The following ARHGEF26 variants were observed in gnomAD, a reference collection of about 807,000 sequenced individuals.
ARHGEF26 encodes Rho guanine nucleotide exchange factor 26.
ARHGEF26 carries 59 observed loss-of-function variants against 89.4 expected under a neutral mutation model. The ratio of observed to expected loss-of-function variants is 0.66; its 90% confidence interval spans 0.54 to 0.82. The LOEUF (loss-of-function observed/expected upper bound fraction) is 0.82. ARHGEF26 is among the 40% of genes least tolerant of loss of function. The pLI is 0.00. For synonymous variants in ARHGEF26, 500 were observed against 428.4 expected, an observed-to-expected ratio of 1.17 and a Z score of -2.06; for missense variants, 1,234 against 1,085.6, an observed-to-expected ratio of 1.14 and a Z score of -1.92.
chr3:154,244,199 CTT>C lies in ARHGEF26; in HGVS notation c.2300+3622_2300+3623del, dbSNP rs367975084. Reference sequence around the variant, plus strand: ...AAAATAATGAATTTTACACCTAAATCTTTACTTTCTTTGAAAAACTGTTGTCA... The same window carrying C: ...AAAATAATGAATTTTACACCTAAATCTACTTTCTTTGAAAAACTGTTGTCA... On this transcript the variant is annotated intron_variant, in intron 12 of 14. Coordinates refer to ENST00000465093, the MANE Select transcript of ARHGEF26 (RefSeq NM_015595.4). Among the ~76,000 whole-genome samples the C allele has an allele frequency of 3.4e-3, 514 of 152,206 alleles. 3 individuals carry two copies. Among genetic ancestry groups the C allele is most frequent in the African/African-American group, 0.012 (494 of 41,530 alleles).
intron 5 of ARHGEF26, among the ~76,000 whole-genome samples, chr3:154,152,083 G>C (rs1720059686): frequency 6.6e-6 from 1 of 152,216 alleles, no homozygotes; most frequent in Non-Finnish European, 1.5e-5. Context: ...CTGCCACTGA[G>C]AGTCTCTGCA....
chr3:154,217,929 A>G lies in ARHGEF26; in HGVS notation c.1906A>G (p.Ile636Val), dbSNP rs370975987. The part of the protein sequence containing the change: ...KMERTEMMYT[I>V]NSQLEFKIKP... ...GGAAAGGACTGAGATGATGTACACA[A>G]TTAACTCCCAGCTGGAATTTAAAAT... The change falls in exon 10 of 15, where the codon ATT (isoleucine) becomes GTT (valine). Residue 636 changes from isoleucine to valine, a missense_variant. Transcript: ENST00000465093. 2.9e-5 allele frequency: 47 copies of G among 1,598,508 alleles called. No individual in the cohort carries two copies. The highest frequency in any genetic ancestry group is 3.8e-5 in the Non-Finnish European group (45 of 1,172,132).
At chr3:154,211,135 C>G (rs1294883992) in intron 9 of ARHGEF26, among the ~76,000 whole-genome samples, 1 of 151,990 alleles carries the variant, frequency 6.6e-6, no homozygotes. Flanking sequence ...CTTGCCAGCA[C>G]TCACTTGGCT....
intron 11 of ARHGEF26, among the ~76,000 whole-genome samples, chr3:154,239,297 AGAGTGTGTGTGT>A (rs748192118): frequency 0.031 from 1,613 of 52,790 alleles, 6 homozygotes; most frequent in Non-Finnish European, 0.047. Context: ...AGAGAGAGAG[AGAGTGTGTGTGT>A]GTGTGTGTGT....
At chr3:154,164,120 T>C (rs1371416074) in intron 6 of ARHGEF26, among the ~76,000 whole-genome samples, 2 of 152,120 alleles carry the variant, frequency 1.3e-5, no homozygotes, top group Admixed American at 1.3e-4. Flanking sequence ...TTGCAAGTCT[T>C]TTTTTAGGAC....
intron 9 of ARHGEF26, among the ~76,000 whole-genome samples, chr3:154,206,848 C>G (rs1212742268): frequency 6.6e-6 from 1 of 152,292 alleles, no homozygotes; most frequent in East Asian, 1.9e-4. Context: ...CATCACAGTA[C>G]CTGACTTCAA....
At chr3:154,232,522 G>C (rs1217956643) in intron 11 of ARHGEF26, among the ~76,000 whole-genome samples, 1 of 152,094 alleles carries the variant, frequency 6.6e-6, no homozygotes, top group Admixed American at 6.5e-5. Context: ...TGGGTATTTA[G>C]CTCTAATTAT....
intron 11 of ARHGEF26, among the ~76,000 whole-genome samples, chr3:154,228,445 T>TG (rs1716628576): frequency 6.6e-6 from 1 of 151,352 alleles, no homozygotes; most frequent in African/African-American, 2.4e-5. Flanking sequence ...CCTTTTTTTT[T>TG]TTTTCTTTTT....
Position 154,255,708 on chromosome 3 carries a change from A to G in ARHGEF26, c.*235A>G. The stretch of plus-strand genomic sequence containing the variant: ...CACTTGCAGACCTCCTGAGGTACAC[A>G]GAATAGCTGAGCAGTTCACTTCAGG... On this transcript the variant is annotated 3_prime_UTR_variant, in exon 15 of 15. Transcript: ENST00000465093. 1 of 1,334,158 alleles carries G rather than the reference A, an allele frequency of 7.5e-7. No individual in the cohort carries two copies. The highest frequency in any genetic ancestry group is 1.5e-5 in the African/African-American group (1 of 67,718). The allele number at this position is 1,334,158 out of a possible 1,614,324, so 82.6% of individuals were successfully genotyped here. A position where few individuals can be genotyped will look rare whatever the true frequency, so the allele number is the denominator to read the frequency against.
chr3:154,147,858 A>G (rs1260811627), intron 4 of ARHGEF26, among the ~76,000 whole-genome samples: 1 of 151,298 alleles, frequency 6.6e-6, no homozygotes, highest in African/African-American at 2.4e-5. Context: ...TTATTCACCT[A>G]CATTCTCATT....
intron 6 of ARHGEF26, among the ~76,000 whole-genome samples, chr3:154,174,137 G>A (rs1156692006): frequency 6.6e-6 from 1 of 152,166 alleles, no homozygotes; most frequent in Non-Finnish European, 1.5e-5. Context: ...GCTTAGTAAA[G>A]TAGGATGGGT....
intron 2 of ARHGEF26, 25 bp downstream of exon 2, chr3:154,123,100 C>T: frequency 1.9e-6 from 3 of 1,610,512 alleles, no homozygotes; most frequent in Non-Finnish European, 2.5e-6. Context: ...GAGTGTGGCA[C>T]GCCATTCACT....
Position 154,122,469 on chromosome 3 carries a change from G to A in ARHGEF26, c.477G>A (p.Glu159=), listed in dbSNP as rs975069942. The A allele has an allele frequency of 2.5e-6, 4 of 1,612,426 alleles. No homozygotes were observed. The highest frequency in any genetic ancestry group is 3.3e-5 in the Admixed American group (2 of 59,936). Residue 159 remains glutamate, a synonymous_variant, in exon 2 of 15, where the codon GAG becomes GAA. Coordinates refer to ENST00000465093, the MANE Select transcript of ARHGEF26 (RefSeq NM_015595.4). ...ACGCGCCCGCCCCCTGCACCCCCGA[G>A]GAGGACCTTACTGGGTTGACTGCCA... ...TPNAPAPCTP[E]EDLTGLTASP...
chr3:154,240,437 G>A lies in ARHGEF26; in HGVS notation c.2158G>A (p.Glu720Lys), dbSNP rs374465573. 3.7e-6 allele frequency: 6 copies of A among 1,613,548 alleles called. No homozygotes were observed. In the African/African-American group the frequency reaches 6.7e-5, roughly 18 times the overall value. Residue 720 changes from glutamate (E) to lysine (K), a missense_variant, in exon 12 of 15, where the codon GAA becomes AAA. Glu to Lys is a moderately conservative substitution (Grantham distance 56, BLOSUM62 1). Coordinates refer to ENST00000465093, the MANE Select transcript of ARHGEF26 (RefSeq NM_015595.4). ...GCTATTGGTGGAATCTTGTGACAAT[G>A]AAGAGCTTAATTCTTCTCCAGGGAA... ...DQLLVESCDNEELNSSPGKNS... is the reference protein window; with the variant it reads ...DQLLVESCDNKELNSSPGKNS...
At chr3:154,134,882 T>G (rs1576686778) in intron 4 of ARHGEF26, among the ~76,000 whole-genome samples, 1 of 152,294 alleles carries the variant, frequency 6.6e-6, no homozygotes, top group Admixed American at 6.5e-5. Context: ...GAATAATATT[T>G]ATTGATTTGT....
chr3:154,204,802 T>A (rs764599642), intron 9 of ARHGEF26, among the ~76,000 whole-genome samples: 1 of 152,218 alleles, frequency 6.6e-6, no homozygotes, highest in Non-Finnish European at 1.5e-5. Context: ...AGCATATTTT[T>A]TAATTTCTAT....
rs1718873775 is a variant in ARHGEF26, at chr3:154,134,326, C to T, written c.1269+4607C>T. ...CAGGAAAAAGGGTTCAATGGGCTTA[C>T]AGTCCCCTGTGTCTGGGGAGGACTC... is the stretch of plus-strand genomic sequence containing the variant. On this transcript the variant is annotated intron_variant, in intron 4 of 14. Coordinates refer to ENST00000465093, the MANE Select transcript of ARHGEF26 (RefSeq NM_015595.4). 2.0e-5 allele frequency among the ~76,000 whole-genome samples: 3 copies of T among 152,260 alleles called. No individual in the cohort carries two copies. The South Asian group carries it at 6.2e-4, about 32-fold the overall frequency.
At chr3:154,203,876 A>G (rs1406626658) in intron 9 of ARHGEF26, among the ~76,000 whole-genome samples, 1 of 147,794 alleles carries the variant, frequency 6.8e-6, no homozygotes, top group Non-Finnish European at 1.5e-5. Context: ...TAATCTTTCT[A>G]ATGTGTTGTT....
chr3:154,135,246 A>G (rs1424445580), intron 4 of ARHGEF26, among the ~76,000 whole-genome samples: 4 of 152,034 alleles, frequency 2.6e-5, no homozygotes, highest in African/African-American at 9.7e-5. Context: ...TACTGCCTCA[A>G]TTTCAGAAAT....
Sources: allele counts gnomAD v4.1 joint callset (sites outside exome capture counted in the v4.1 genomes callset), GRCh38; gene constraint gnomAD v4.1.1; transcripts MANE v1.5; gene names NCBI Gene and HGNC (gene_info 2026-07-23, HGNC 2026-07-21).